DNAJC6: variants seen among roughly 807,000 people sequenced by gnomAD.
DNAJC6 encodes auxilin.
In DNAJC6, 34 loss-of-function variants were observed where a neutral mutation model predicts 110.0. That is an observed-to-expected ratio of 0.31 (90% CI 0.24 to 0.41). DNAJC6 has a LOEUF of 0.41. Ranked by LOEUF, DNAJC6 falls within the 10% of genes least tolerant of loss-of-function variation. The pLI is 1.00. For missense variants in DNAJC6, 1,031 were observed against 1,207.8 expected (o/e 0.85, Z 2.17); for synonymous variants, 406 against 437.2 (o/e 0.93, Z 0.89).
intron 14 of DNAJC6, 109 bp from the exon 15 acceptor site, chr1:65,401,652 C>G (rs1212408259): frequency 6.9e-7 from 1 of 1,448,364 alleles, no homozygotes; most frequent in Non-Finnish European, 9.2e-7. Context: ...TTTTCAAACC[C>G]TGTCCTAATT....
chr1:65,398,682 G>A (rs1646002109), intron 13 of DNAJC6, 131 bp from the exon 14 acceptor site: 2 of 797,282 alleles, frequency 2.5e-6, no homozygotes, highest in East Asian at 2.7e-5. Flanking sequence ...CTCAGAAGGA[G>A]GAGTGGATAT....
chr1:65,375,244 C>T (rs115277317), intron 4 of DNAJC6, among the ~76,000 whole-genome samples: 4 of 152,070 alleles, frequency 2.6e-5, no homozygotes, highest in East Asian at 1.9e-4. Context: ...GGATTATAGG[C>T]GTGAGCTGCC....
At chr1:65,302,385 A>G (rs1435155788) in intron 1 of DNAJC6, among the ~76,000 whole-genome samples, 2 of 148,524 alleles carry the variant, frequency 1.3e-5, no homozygotes, top group East Asian at 3.9e-4. Context: ...TTCTGACAGT[A>G]ATAGGTGGTA....
At chr1:65,349,471 G>T (rs12092795) in intron 1 of DNAJC6, among the ~76,000 whole-genome samples, 12 of 151,844 alleles carry the variant, frequency 7.9e-5, no homozygotes, top group Non-Finnish European at 1.6e-4. Flanking sequence ...TGCCCTTAAG[G>T]CTGAAGAACT....
chr1:65,406,098 G>A lies in DNAJC6; in HGVS notation c.2456G>A (p.Gly819Asp). The change falls in exon 16 of 19, where the codon GGC (glycine) becomes GAC (aspartate). Residue 819 changes from glycine to aspartate, a missense_variant. Transcript: ENST00000371069. ...GTGAGCTTCTCAGCCATGCCTGGGG[G>A]CCAGAACGAACGTGGGAAAGGATCA... ...YNVSFSAMPG[G>D]QNERGKGSSN... 4 of 1,614,192 alleles carry A rather than the reference G, an allele frequency of 2.5e-6. No homozygotes were observed. The highest frequency in any genetic ancestry group is 1.1e-5 in the South Asian group (1 of 91,078).
intron 1 of DNAJC6, among the ~76,000 whole-genome samples, chr1:65,323,646 A>G (rs1294449629): frequency 6.6e-6 from 1 of 152,100 alleles, no homozygotes; most frequent in African/African-American, 2.4e-5. Flanking sequence ...CCCAGGCTGG[A>G]GTGCAGTGAC....
At chr1:65,274,169 T>C (rs1032382199) in intron 1 of DNAJC6, among the ~76,000 whole-genome samples, 1 of 152,168 alleles carries the variant, frequency 6.6e-6, no homozygotes, top group Non-Finnish European at 1.5e-5. Context: ...ATAGTTGTTA[T>C]ATCTTCATTA....
At chr1:65,393,094 T>C (rs1457495556) in intron 12 of DNAJC6, among the ~76,000 whole-genome samples, 1 of 152,174 alleles carries the variant, frequency 6.6e-6, no homozygotes, top group East Asian at 1.9e-4. Flanking sequence ...AGCTTCACAC[T>C]CTTACTTCTA....
intron 4 of DNAJC6, among the ~76,000 whole-genome samples, chr1:65,374,295 G>GTTT (rs33917506): frequency 2.7e-5 from 4 of 150,860 alleles, no homozygotes; most frequent in African/African-American, 7.3e-5. Flanking sequence ...CATTTTAGGG[G>GTTT]TTTTTTTTTA....
chr1:65,334,376 G>A (rs958447459), intron 1 of DNAJC6, among the ~76,000 whole-genome samples: 2 of 152,240 alleles, frequency 1.3e-5, no homozygotes, highest in African/African-American at 2.4e-5. Flanking sequence ...AGACAGTGCA[G>A]GCTACTGAGG....
chr1:65,301,332 C>A (rs996139297), intron 1 of DNAJC6, among the ~76,000 whole-genome samples: 37 of 152,236 alleles, frequency 2.4e-4, no homozygotes, highest in South Asian at 2.1e-4. Flanking sequence ...CTTCCCCCCC[C>A]ACAAACAAAC....
At chr1:65,296,247 T>C (rs1008906121) in intron 1 of DNAJC6, among the ~76,000 whole-genome samples, 4 of 152,220 alleles carry the variant, frequency 2.6e-5, no homozygotes, top group Non-Finnish European at 5.9e-5. Context: ...AGTTTGTCAG[T>C]CTCCTACTCG....
chr1:65,269,514 C>T (rs1653438396), intron 1 of DNAJC6, among the ~76,000 whole-genome samples: 1 of 152,108 alleles, frequency 6.6e-6, no homozygotes, highest in Admixed American at 6.5e-5. Context: ...GTTCATCCTC[C>T]AATCTGTAAT....
rs888884184 is a variant in DNAJC6, at chr1:65,269,940, T to C, written c.-131+5008T>C. 2.6e-5 allele frequency among the ~76,000 whole-genome samples: 4 copies of C among 152,226 alleles called. No homozygotes were observed. In the South Asian group the frequency reaches 6.2e-4, roughly 24 times the overall value. On this transcript the variant is annotated intron_variant, in intron 1 of 19. Coordinates refer to the DNAJC6 transcript ENST00000263441. Reference sequence around the variant, plus strand: ...TGAATTAGCTCATGTCCTGTGCAATTTTCAAATGTTTTGCTGAAGATGTAG... The same window carrying C: ...TGAATTAGCTCATGTCCTGTGCAATCTTCAAATGTTTTGCTGAAGATGTAG...
chr1:65,308,022 C>T (rs1645060677), upstream of DNAJC6, among the ~76,000 whole-genome samples: 1 of 152,170 alleles, frequency 6.6e-6, no homozygotes, highest in Non-Finnish European at 1.5e-5. Flanking sequence ...GGTTGATGCT[C>T]TTCCTACAAG....
intron 1 of DNAJC6, among the ~76,000 whole-genome samples, chr1:65,336,096 A>C (rs539182416): frequency 6.6e-6 from 1 of 152,288 alleles, no homozygotes; most frequent in Non-Finnish European, 1.5e-5. Context: ...AAGGCTGGGT[A>C]ATTTATTAAA....
At chr1:65,392,081 G>A (rs904776800) in intron 11 of DNAJC6, among the ~76,000 whole-genome samples, 1 of 152,092 alleles carries the variant, frequency 6.6e-6, no homozygotes, top group Non-Finnish European at 1.5e-5. Context: ...CGGCCGTTAG[G>A]TACAATTTGT....
intron 1 of DNAJC6, among the ~76,000 whole-genome samples, chr1:65,337,490 C>T (rs887749740): frequency 2.0e-5 from 3 of 152,050 alleles, no homozygotes; most frequent in African/African-American, 4.8e-5. Flanking sequence ...AAGCTTCTCT[C>T]TTTCTCTTTT....
In DNAJC6 at chr1:65,392,412, G is replaced by T. The variant is rs780728836; in HGVS notation, c.1469-19G>T. 1.3e-6 allele frequency: 2 copies of T among 1,564,176 alleles called. No homozygotes were observed. The highest frequency in any genetic ancestry group is 1.2e-5 in the South Asian group (1 of 82,194). On this transcript the variant is annotated intron_variant, in intron 11 of 18. Coordinates refer to ENST00000371069, the MANE Select transcript of DNAJC6 (RefSeq NM_001256864.2). ...TGTGGTCAGCAACTAATCTCTTATG[G>T]TATACTGGCCTTCCTCAGATCAGAA...
Sources: allele counts gnomAD v4.1 joint callset (sites outside exome capture counted in the v4.1 genomes callset), GRCh38; gene constraint gnomAD v4.1.1; transcripts MANE v1.5; gene names NCBI Gene and HGNC (gene_info 2026-07-23, HGNC 2026-07-21).